INTS9: variants seen among roughly 807,000 people sequenced by gnomAD.
INTS9 encodes the protein integrator complex subunit 9, also known as protein related to CPSF subunits of 74 kDa.
In INTS9, 55 loss-of-function variants were observed where a neutral mutation model predicts 79.7. The observed-to-expected ratio is 0.69, with a 90% CI of 0.56 to 0.86. INTS9 has a LOEUF of 0.86. Ranked by LOEUF, INTS9 falls within the 40% of genes least tolerant of loss-of-function variation. The probability of loss-of-function intolerance (pLI) is 0.00; values close to 1 mark genes in which losing one functional copy is unlikely to be tolerated. For missense variants in INTS9, 721 were observed against 831.5 expected, an observed-to-expected ratio of 0.87 and a Z score of 1.64; for synonymous variants, 319 against 325.2, an observed-to-expected ratio of 0.98 and a Z score of 0.20.
At chr8:28,779,839 G>C (rs1803136527) in intron 12 of INTS9, among the ~76,000 whole-genome samples, 1 of 152,126 alleles carries the variant, frequency 6.6e-6, no homozygotes, top group Non-Finnish European at 1.5e-5. Context: ...CGTCACCCCA[G>C]TGCTTCTGGT....
chr8:28,772,380 G>GGCATGTGCC (rs2130850269), intron 14 of INTS9, among the ~76,000 whole-genome samples: 1 of 152,254 alleles, frequency 6.6e-6, no homozygotes, highest in African/African-American at 2.4e-5. Flanking sequence ...TAGGATTGGT[G>GGCATGTGCC]GCATGTGCCT....
intron 1 of INTS9, among the ~76,000 whole-genome samples, chr8:28,861,644 T>C (rs1020406824): frequency 2.0e-5 from 3 of 152,236 alleles, no homozygotes; most frequent in Admixed American, 6.5e-5. Flanking sequence ...GCCAGCCACA[T>C]TGAATGACAA....
chr8:28,791,306 C>T (rs79422486), intron 10 of INTS9, among the ~76,000 whole-genome samples: 2 of 152,132 alleles, frequency 1.3e-5, no homozygotes, highest in South Asian at 2.1e-4. Context: ...ATGAATCCCC[C>T]CCATGGACAG....
In INTS9 at chr8:28,857,241, C is replaced by T. The variant is rs559004817; in HGVS notation, c.137+2195G>A. Among the ~76,000 whole-genome samples the T allele has an allele frequency of 2.6e-5, 4 of 152,254 alleles. No individual in the cohort carries two copies. The East Asian group carries it at 5.8e-4, about 22-fold the overall frequency. ...GCAATGAACACCGAAGATGTCAATA[C>T]ATGATGGCCAATTAGAGGAAAACAC... On this transcript the variant is annotated intron_variant, in intron 2 of 16. Coordinates refer to ENST00000521022, the MANE Select transcript of INTS9 (RefSeq NM_018250.4).
chr8:28,881,908 G>A (rs1809854830), intron 1 of INTS9, among the ~76,000 whole-genome samples: 1 of 147,808 alleles, frequency 6.8e-6, no homozygotes, highest in Admixed American at 6.7e-5. Context: ...CCCCCACTGG[G>A]AAGTGAGGAG....
intron 13 of INTS9, 99 bp from the exon 14 acceptor site, chr8:28,776,025 G>T: frequency 1.1e-6 from 1 of 935,468 alleles, no homozygotes; most frequent in Non-Finnish European, 1.5e-6. Flanking sequence ...GCCATTACAG[G>T]CTCACCACTT....
chr8:28,797,030 G>A (rs1362060071), intron 8 of INTS9: 2 of 173,590 alleles, frequency 1.2e-5, no homozygotes, highest in African/African-American at 4.7e-5. Context: ...TATCTCACGT[G>A]TCATCAGTGG....
intron 13 of INTS9, among the ~76,000 whole-genome samples, chr8:28,777,547 T>TC (rs1802961107): frequency 6.6e-6 from 1 of 152,120 alleles, no homozygotes; most frequent in Admixed American, 6.5e-5. Flanking sequence ...TGACTTTTTT[T>TC]TTTTTTGGCA....
At chr8:28,832,015 G>T (rs1237388764) in intron 6 of INTS9, among the ~76,000 whole-genome samples, 6 of 152,046 alleles carry the variant, frequency 3.9e-5, no homozygotes, top group Non-Finnish European at 8.8e-5. Context: ...AAGAAATACT[G>T]ACTTTAGAAC....
intron 1 of INTS9, among the ~76,000 whole-genome samples, chr8:28,874,542 C>G (rs981364491): frequency 6.6e-6 from 1 of 152,058 alleles, no homozygotes; most frequent in Non-Finnish European, 1.5e-5. Context: ...ATCTGCCTGT[C>G]TCAGCTTCCC....
chr8:28,775,806 C>G lies in INTS9; in HGVS notation c.1516G>C (p.Ala506Pro), dbSNP rs372201911. The change falls in exon 14 of 17, where the codon GCC (alanine) becomes CCC (proline). Residue 506 changes from alanine to proline, a missense_variant. Physicochemically the swap from Ala to Pro is conservative, Grantham distance 27. Transcript: ENST00000521022. ...AMSYRRAEVL[A>P]LPFKRRYEKI... Reference sequence around the variant, plus strand: ...TCGTACCGACGTTTGAAGGGCAGGGCGAGAACCTCAGCCCGCCGATAGGAC... The same window carrying G: ...TCGTACCGACGTTTGAAGGGCAGGGGGAGAACCTCAGCCCGCCGATAGGAC... 5.0e-6 allele frequency: 8 copies of G among 1,613,612 alleles called. No homozygotes were observed. The highest frequency in any genetic ancestry group is 6.8e-6 in the Non-Finnish European group (8 of 1,179,872).
chr8:28,814,980 C>T (rs755667474), intron 6 of INTS9, among the ~76,000 whole-genome samples: 1 of 151,990 alleles, frequency 6.6e-6, no homozygotes, highest in African/African-American at 2.4e-5. Context: ...TTTTTTTAAT[C>T]GTTCAACTCT....
chr8:28,781,773 C>T (rs1263884270), intron 11 of INTS9, among the ~76,000 whole-genome samples: 6 of 152,130 alleles, frequency 3.9e-5, no homozygotes, highest in Non-Finnish European at 7.4e-5. Context: ...ACCAGGGATT[C>T]GTGGAGAGTG....
At chr8:28,777,474 C>T (rs766206564) in intron 13 of INTS9, among the ~76,000 whole-genome samples, 9 of 152,034 alleles carry the variant, frequency 5.9e-5, no homozygotes, top group Non-Finnish European at 1.0e-4. Flanking sequence ...CCTACACGTG[C>T]GACACGGCCC....
At chr8:28,856,251 G>A (rs1441978597) in intron 2 of INTS9, among the ~76,000 whole-genome samples, 1 of 152,156 alleles carries the variant, frequency 6.6e-6, no homozygotes, top group East Asian at 1.9e-4. Context: ...GGAGCAGGGA[G>A]GAAGAGGGCT....
chr8:28,867,334 G>T (rs1485998984), intron 1 of INTS9, among the ~76,000 whole-genome samples: 2 of 151,914 alleles, frequency 1.3e-5, no homozygotes, highest in African/African-American at 4.8e-5. Context: ...CAGGAGAATC[G>T]CTTGAACCCA....
chr8:28,771,035 A>G lies in INTS9; in HGVS notation c.1609T>C (p.Leu537=). 6.2e-7 allele frequency: 1 copy of G among 1,613,448 alleles called. No homozygotes were observed. Among genetic ancestry groups the G allele is most frequent in the Non-Finnish European group, 8.5e-7 (1 of 1,179,740 alleles). The change falls in exon 15 of 17, where the codon TTG becomes CTG. Residue 537 remains leucine (L), a synonymous_variant. Transcript: ENST00000521022. ...TGCAGCACGGCCGAGACAGTTGCCA[A>G]GGAGATGCCAGGCTTGATCTCCATG... ...VPMEIKPGIS[L]ATVSAVLHTK...
At position 28,777,808 on chromosome 8, in the gene INTS9, ACAAG is replaced by A; in HGVS notation, c.1395+17_1395+20del. ...CAAGGTGACATGACTACGTGAAGGC[ACAAG>A]CAGTGTCCTTCATTACCTGCACTTC... On this transcript the variant is annotated intron_variant, in intron 13 of 16. Coordinates refer to ENST00000521022, the MANE Select transcript of INTS9 (RefSeq NM_018250.4). 1 of 1,587,784 alleles carries A rather than the reference ACAAG, an allele frequency of 6.3e-7. No homozygotes were observed.
Position 28,787,881 on chromosome 8 carries a change from T to C in INTS9, c.1046A>G (p.His349Arg), listed in dbSNP as rs1397577968. ...AAGATACACCTTACTCTGTTTGTTG[T>C]GACAAAGCCTATTAAAGAGGAAAAA... ...FSQIFAEWLC[H>R]NKQSKVYLPE... Residue 349 changes from histidine to arginine, a missense_variant, in exon 11 of 17, where the codon CAC becomes CGC. This residue lies in a region of INTS9 where 149 missense variants were observed against 223.7 expected (regional missense o/e 0.67). Transcript: ENST00000521022. 3 of 1,599,028 alleles carry C rather than the reference T, an allele frequency of 1.9e-6. No individual in the cohort carries two copies. In the African/African-American group the frequency reaches 4.0e-5, roughly 21 times the overall value.
Sources: allele counts gnomAD v4.1 joint callset (sites outside exome capture counted in the v4.1 genomes callset), GRCh38; gene constraint gnomAD v4.1.1; regional missense constraint gnomAD v4.1.1; transcripts MANE v1.5; gene names NCBI Gene and HGNC (gene_info 2026-07-23, HGNC 2026-07-21).